Variants in CLSTN2 observed in about 807,000 individuals in gnomAD.
CLSTN2 encodes calsyntenin-2.
CLSTN2 carries 48 observed loss-of-function variants against 101.2 expected under a neutral mutation model. The ratio of observed to expected loss-of-function variants is 0.47; its 90% CI spans 0.38 to 0.60. The LOEUF (loss-of-function observed/expected upper bound fraction) is 0.60. Among genes scored for constraint, CLSTN2 ranks in the 20% least tolerant of loss-of-function variants. The pLI, the probability that CLSTN2 is intolerant of heterozygous loss-of-function variation, is 0.00. For missense variants in CLSTN2, 1,160 were observed against 1,238.2 expected, an observed-to-expected ratio of 0.94 and a Z score of 0.95; for synonymous variants, 481 against 463.6, an observed-to-expected ratio of 1.04 and a Z score of -0.48.
rs1933511481 is a variant in CLSTN2, at chr3:140,459,687, C to T, written c.1140C>T (p.Thr380=). 1.2e-6 allele frequency: 2 copies of T among 1,614,110 alleles called. No individual in the cohort carries two copies. The highest frequency in any genetic ancestry group is 2.2e-5 in the East Asian group (1 of 44,858). ...IVPKNLTDQF[T]ITMWMKHGPS... ...CCAAGAACCTGACCGATCAGTTCAC[C>T]ATCACCATGTGGATGAAACACGGCC... The change falls in exon 7 of 17, where the codon ACC becomes ACT. Residue 380 remains threonine (T), a synonymous_variant. Transcript: ENST00000458420.
intron 4 of CLSTN2, among the ~76,000 whole-genome samples, chr3:140,409,473 A>G (rs1478729308): frequency 6.6e-6 from 1 of 152,122 alleles, no homozygotes; most frequent in Non-Finnish European, 1.5e-5. Context: ...GGAGCCACCC[A>G]TACACTAGGC....
At chr3:140,036,022 C>T (rs1226454090) in intron 1 of CLSTN2, among the ~76,000 whole-genome samples, 2 of 152,200 alleles carry the variant, frequency 1.3e-5, no homozygotes, top group Non-Finnish European at 2.9e-5. Flanking sequence ...GTAGCCTCTT[C>T]TTTCTCTGCA....
chr3:140,124,215 C>T (rs942362606), intron 1 of CLSTN2, among the ~76,000 whole-genome samples: 1 of 152,006 alleles, frequency 6.6e-6, no homozygotes, highest in Non-Finnish European at 1.5e-5. Context: ...AAATAGAAGC[C>T]TAGTATGGTT....
At chr3:140,564,175 G>A in intron 16 of CLSTN2, 30 bp downstream of exon 16, 1 of 1,606,016 alleles carries the variant, frequency 6.2e-7, no homozygotes, top group Non-Finnish European at 8.5e-7. Flanking sequence ...GGGAGTTCTG[G>A]GTGGGGTGCT....
chr3:140,077,151 G>A (rs1210114473), intron 1 of CLSTN2, among the ~76,000 whole-genome samples: 1 of 152,212 alleles, frequency 6.6e-6, no homozygotes, highest in Non-Finnish European at 1.5e-5. Flanking sequence ...AAAGCATTCT[G>A]ATCATCTGCA....
chr3:140,258,003 C>A (rs980239173), intron 2 of CLSTN2, among the ~76,000 whole-genome samples: 1 of 151,870 alleles, frequency 6.6e-6, no homozygotes, highest in Non-Finnish European at 1.5e-5. Context: ...TGAAATCCTG[C>A]CAATACTAAA....
In CLSTN2 at chr3:140,490,088, G is replaced by GCA. The variant is rs1559884879; in HGVS notation, c.1344+23357_1344+23358insCA. ...TGTGTGTGTGTGTGTGTGTGTGTGT[G>GCA]TATATATATATATATATATATATAT... On this transcript the variant is annotated intron_variant, in intron 8 of 16. Coordinates refer to ENST00000458420, the MANE Select transcript of CLSTN2 (RefSeq NM_022131.3). Among the ~76,000 whole-genome samples, 56 of 8,146 alleles carry GCA rather than the reference G, an allele frequency of 6.9e-3. 11 individuals carry two copies. The highest frequency in any genetic ancestry group is 0.016 in the South Asian group (3 of 184). 5.3% of individuals were successfully genotyped at this position (8,146 alleles called of 152,430 possible).
intron 8 of CLSTN2, among the ~76,000 whole-genome samples, chr3:140,479,862 C>T (rs1448120373): frequency 6.6e-6 from 1 of 152,172 alleles, no homozygotes; most frequent in Non-Finnish European, 1.5e-5. Context: ...TGAATAAGAT[C>T]AGCAAGCCCC....
chr3:139,986,599 A>G (rs1936024818), intron 1 of CLSTN2, among the ~76,000 whole-genome samples: 1 of 152,132 alleles, frequency 6.6e-6, no homozygotes, highest in African/African-American at 2.4e-5. Context: ...CCTTCCACCC[A>G]GATTATTCAG....
chr3:140,203,476 T>G (rs1000685076), intron 2 of CLSTN2, among the ~76,000 whole-genome samples: 7 of 144,520 alleles, frequency 4.8e-5, no homozygotes, highest in African/African-American at 1.5e-4. Flanking sequence ...TTTTTTTTTT[T>G]TTTTTTTTTT....
intron 1 of CLSTN2, among the ~76,000 whole-genome samples, chr3:140,089,553 T>C (rs1017574872): frequency 6.6e-6 from 1 of 152,060 alleles, no homozygotes; most frequent in Non-Finnish European, 1.5e-5. Flanking sequence ...TTGAGGGTGC[T>C]CTATTTTGGT....
At chr3:140,539,638 C>G (rs1559898643) in intron 9 of CLSTN2, among the ~76,000 whole-genome samples, 1 of 152,216 alleles carries the variant, frequency 6.6e-6, no homozygotes, top group Non-Finnish European at 1.5e-5. Flanking sequence ...GCACCTTGCT[C>G]TCTATCACTG....
rs937066384 is a variant in CLSTN2 at position 140,172,023 on chromosome 3, G to A, written c.110-3928G>A. On this transcript the variant is annotated intron_variant, in intron 1 of 16. Transcript: ENST00000458420. Reference sequence around the variant, plus strand: ...CTTGGGAAAGTTACGCTTTGTGGAGGTAGTTTATTCATCTTTATAATGATC... The same window carrying A: ...CTTGGGAAAGTTACGCTTTGTGGAGATAGTTTATTCATCTTTATAATGATC... 3.4e-5 allele frequency among the ~76,000 whole-genome samples: 5 copies of A among 148,712 alleles called. 1 individual carries two copies. The highest frequency in any genetic ancestry group is 7.4e-5 in the Non-Finnish European group (5 of 67,656).
intron 1 of CLSTN2, among the ~76,000 whole-genome samples, chr3:140,014,814 A>G (rs1372889850): frequency 6.6e-6 from 1 of 152,170 alleles, no homozygotes; most frequent in Admixed American, 6.5e-5. Context: ...TTTTGTGGCC[A>G]TCGTAAGAAC....
intron 2 of CLSTN2, among the ~76,000 whole-genome samples, chr3:140,203,467 T>G (rs1434140255): frequency 7.1e-6 from 1 of 140,876 alleles, no homozygotes. Flanking sequence ...GTGGGTTTTT[T>G]TTTTTTTTTT....
chr3:140,507,917 G>T (rs1243504441), intron 8 of CLSTN2: 1 of 152,064 alleles, frequency 6.6e-6, no homozygotes, highest in African/African-American at 2.4e-5. Context: ...ACTACACTCA[G>T]CAAGTTTAAG....
intron 2 of CLSTN2, among the ~76,000 whole-genome samples, chr3:140,387,458 A>G (rs1248002598): frequency 3.3e-5 from 5 of 152,196 alleles, no homozygotes; most frequent in African/African-American, 1.2e-4. Context: ...CTGCTTCCAC[A>G]GGTTCCTATT....
At chr3:140,449,950 G>C (rs1195421146) in intron 6 of CLSTN2, 3 of 152,360 alleles carry the variant, frequency 2.0e-5, no homozygotes, top group African/African-American at 7.2e-5. Flanking sequence ...ACTTGTGAGG[G>C]ACAGAGAGGG....
chr3:140,160,077 G>A (rs2010021565), intron 1 of CLSTN2, among the ~76,000 whole-genome samples: 1 of 151,972 alleles, frequency 6.6e-6, no homozygotes, highest in African/African-American at 2.4e-5. Context: ...TCACTAACTC[G>A]GTGGCAGGAT....
Sources: gnomAD v4.1 joint callset for allele counts (sites outside exome capture counted in the v4.1 genomes callset) on GRCh38, gnomAD v4.1.1 for gene constraint, MANE v1.5 for transcripts, NCBI Gene and HGNC (gene_info 2026-07-23, HGNC 2026-07-21) for gene names.